NDUFAF2: variants seen among roughly 807,000 people sequenced by gnomAD.
The protein encoded by NDUFAF2 is NADH dehydrogenase [ubiquinone] 1 alpha subcomplex assembly factor 2.
In NDUFAF2, 13 loss-of-function variants were observed where a neutral mutation model predicts 22.8. The ratio of observed to expected loss-of-function variants is 0.57; its 90% confidence interval spans 0.37 to 0.91. The LOEUF is 0.91. NDUFAF2 is among the 40% of genes least tolerant of loss of function. The pLI is 0.01. For synonymous variants in NDUFAF2, 53 were observed against 64.2 expected (o/e 0.83, Z 0.84); for missense variants, 162 against 195.2 (o/e 0.83, Z 1.01).
chr5:61,105,939 A>G (rs1752757901), intron 3 of NDUFAF2, among the ~76,000 whole-genome samples: 1 of 151,538 alleles, frequency 6.6e-6, no homozygotes, highest in Non-Finnish European at 1.5e-5. Flanking sequence ...GAAATCTGAG[A>G]AGTAATCCAA....
chr5:60,991,338 C>A (rs1751155962), intron 1 of NDUFAF2, among the ~76,000 whole-genome samples: 1 of 151,988 alleles, frequency 6.6e-6, no homozygotes, highest in Admixed American at 6.6e-5. Flanking sequence ...CAATTACATT[C>A]TTTAAGTTAT....
chr5:61,033,145 A>G (rs1012229079), intron 1 of NDUFAF2, among the ~76,000 whole-genome samples: 7 of 152,020 alleles, frequency 4.6e-5, no homozygotes, highest in African/African-American at 1.7e-4. Flanking sequence ...ATTCCTAGGT[A>G]TTTTATTCTG....
intron 1 of NDUFAF2, among the ~76,000 whole-genome samples, chr5:61,000,194 G>A (rs1751278839): frequency 1.3e-5 from 2 of 152,076 alleles, no homozygotes; most frequent in African/African-American, 4.8e-5. Context: ...CAAAAAAGAT[G>A]AACAAGGGAA....
intron 3 of NDUFAF2, among the ~76,000 whole-genome samples, chr5:61,129,273 C>T (rs1348775088): frequency 6.6e-6 from 1 of 152,106 alleles, no homozygotes; most frequent in African/African-American, 2.4e-5. Flanking sequence ...TACCATTTGA[C>T]CCAGCCATCC....
intron 1 of NDUFAF2, among the ~76,000 whole-genome samples, chr5:61,063,480 G>A (rs558604799): frequency 6.6e-6 from 1 of 152,114 alleles, no homozygotes; most frequent in East Asian, 1.9e-4. Flanking sequence ...CAGGAGTTTG[G>A]GTGATAGAGC....
chr5:61,127,232 T>C (rs1165196779), intron 3 of NDUFAF2, among the ~76,000 whole-genome samples: 5 of 152,126 alleles, frequency 3.3e-5, no homozygotes, highest in Non-Finnish European at 7.4e-5. Context: ...TACCATTCCT[T>C]CTGAAACTAT....
Position 60,993,985 on chromosome 5 carries a change from C to T in NDUFAF2, c.127+48603C>T, listed in dbSNP as rs1414049582. On this transcript the variant is annotated intron_variant, in intron 1 of 3. Coordinates refer to ENST00000296597, the MANE Select transcript of NDUFAF2 (RefSeq NM_174889.5). The stretch of plus-strand genomic sequence containing the variant: ...GGTGGGGCCTCAGTGGGGACCTGCT[C>T]CCTTCTGCCCAGGCTATTCATGCCA... Among the ~76,000 whole-genome samples the T allele has an allele frequency of 2.0e-5, 3 of 152,246 alleles. No individual in the cohort carries two copies. In the East Asian group the frequency reaches 5.8e-4, roughly 29 times the overall value.
intron 2 of NDUFAF2, among the ~76,000 whole-genome samples, chr5:61,073,845 G>C (rs948451271): frequency 6.6e-6 from 1 of 152,178 alleles, no homozygotes; most frequent in South Asian, 2.1e-4. Flanking sequence ...GTCACCTTCA[G>C]TCTACCATCA....
chr5:60,954,725 A>C (rs1420679297), intron 1 of NDUFAF2, among the ~76,000 whole-genome samples: 1 of 150,106 alleles, frequency 6.7e-6, no homozygotes, highest in Non-Finnish European at 1.5e-5. Flanking sequence ...GATTACAGGC[A>C]TGAGCCACCG....
chr5:60,955,705 A>G (rs549799055), intron 1 of NDUFAF2, among the ~76,000 whole-genome samples: 11 of 152,284 alleles, frequency 7.2e-5, no homozygotes, highest in African/African-American at 2.6e-4. Context: ...CCATGAACAT[A>G]TCAGATGTCA....
intron 3 of NDUFAF2, among the ~76,000 whole-genome samples, chr5:61,127,387 A>G (rs1191985077): frequency 2.0e-5 from 3 of 152,188 alleles, no homozygotes; most frequent in Non-Finnish European, 4.4e-5. Context: ...AAAATCCTCA[A>G]TAAAATACTG....
intron 1 of NDUFAF2, among the ~76,000 whole-genome samples, chr5:61,019,197 A>G (rs891371147): frequency 6.6e-6 from 1 of 152,084 alleles, no homozygotes; most frequent in East Asian, 1.9e-4. Context: ...CCACAAGAAA[A>G]TTGAAGGATT....
intron 2 of NDUFAF2, among the ~76,000 whole-genome samples, chr5:61,079,176 G>A: frequency 6.6e-6 from 1 of 152,200 alleles, no homozygotes; most frequent in Non-Finnish European, 1.5e-5. Context: ...CATTAACACT[G>A]TTAATAATTA....
chr5:61,003,111 A>G (rs1244748135), intron 1 of NDUFAF2, among the ~76,000 whole-genome samples: 1 of 152,106 alleles, frequency 6.6e-6, no homozygotes, highest in African/African-American at 2.4e-5. Flanking sequence ...TTAGCATGCT[A>G]TTAACAGAAC....
chr5:61,044,111 T>G (rs917170627), intron 1 of NDUFAF2, among the ~76,000 whole-genome samples: 2 of 152,220 alleles, frequency 1.3e-5, no homozygotes, highest in Non-Finnish European at 2.9e-5. Flanking sequence ...ATTAGTGATT[T>G]TGAATATGTT....
At chr5:60,971,589 T>G (rs992578951) in intron 1 of NDUFAF2, among the ~76,000 whole-genome samples, 1 of 151,782 alleles carries the variant, frequency 6.6e-6, no homozygotes, top group Non-Finnish European at 1.5e-5. Flanking sequence ...GCCCGGCATA[T>G]CCCCTAATGC....
intron 1 of NDUFAF2, among the ~76,000 whole-genome samples, chr5:61,017,564 T>C (rs530259559): frequency 1.3e-5 from 2 of 152,242 alleles, no homozygotes; most frequent in Non-Finnish European, 2.9e-5. Context: ...TTAGAACTGA[T>C]TGGAAATTTT....
At chr5:61,145,117 AC>A (rs1164370561) in intron 3 of NDUFAF2, among the ~76,000 whole-genome samples, 2 of 152,128 alleles carry the variant, frequency 1.3e-5, no homozygotes, top group Non-Finnish European at 1.5e-5. Context: ...AAAAAAACAA[AC>A]TTTAAATCTC....
chr5:61,013,702 C>CTT (rs10628072), intron 1 of NDUFAF2, among the ~76,000 whole-genome samples: 9,442 of 145,296 alleles, frequency 0.065, 1,009 homozygotes, highest in African/African-American at 0.22. Context: ...ACTTTATCTC[C>CTT]TTTTTTTTTT....
Sources: allele counts gnomAD v4.1 joint callset (sites outside exome capture counted in the v4.1 genomes callset), GRCh38; gene constraint gnomAD v4.1.1; transcripts MANE v1.5; gene names NCBI Gene and HGNC (gene_info 2026-07-23, HGNC 2026-07-21).